Variants in SSH2 observed in about 807,000 individuals in gnomAD.
SSH2 encodes the protein protein phosphatase Slingshot homolog 2.
Under a neutral mutation model 135.2 loss-of-function variants are expected in SSH2, and 37 were observed. The ratio of observed to expected loss-of-function variants is 0.27; its 90% CI spans 0.21 to 0.36. SSH2 has a LOEUF of 0.36. SSH2 is among the 10% of genes least tolerant of loss of function. The pLI, the probability that SSH2 is intolerant of heterozygous loss-of-function variation, is 1.00. For synonymous variants in SSH2, 628 were observed against 646.2 expected, an observed-to-expected ratio of 0.97 and a Z score of 0.43; for missense variants, 1,408 against 1,765.3, an observed-to-expected ratio of 0.80 and a Z score of 3.63.
intron 2 of SSH2, among the ~76,000 whole-genome samples, chr17:29,800,892 G>C (rs1266829487): frequency 6.7e-6 from 1 of 148,640 alleles, no homozygotes; most frequent in Admixed American, 6.7e-5. Flanking sequence ...TTGAGACAGA[G>C]TCTCACTCTG....
chr17:29,650,355 C>G (rs2036538047), intron 13 of SSH2, among the ~76,000 whole-genome samples: 1 of 152,152 alleles, frequency 6.6e-6, no homozygotes, highest in African/African-American at 2.4e-5. Context: ...AACTTAATTT[C>G]ATTCAGAATT....
At chr17:29,859,207 A>G (rs1319308122) in intron 1 of SSH2, among the ~76,000 whole-genome samples, 2 of 151,950 alleles carry the variant, frequency 1.3e-5, no homozygotes, top group Non-Finnish European at 2.9e-5. Flanking sequence ...CCCTTCCTCT[A>G]TCTTCAATAT....
chr17:29,870,344 A>G (rs1474664067), intron 1 of SSH2, among the ~76,000 whole-genome samples: 2 of 151,920 alleles, frequency 1.3e-5, no homozygotes, highest in Non-Finnish European at 2.9e-5. Flanking sequence ...AAAAGAGAAG[A>G]ATGTGTGTGT....
chr17:29,906,301 G>T (rs2151466449), intron 1 of SSH2, among the ~76,000 whole-genome samples: 1 of 152,288 alleles, frequency 6.6e-6, no homozygotes, highest in Non-Finnish European at 1.5e-5. Flanking sequence ...GGAAGAACTG[G>T]CTAGCCATAT....
intron 3 of SSH2, among the ~76,000 whole-genome samples, chr17:29,788,210 T>C (rs1464531965): frequency 6.6e-6 from 1 of 152,190 alleles, no homozygotes; most frequent in Non-Finnish European, 1.5e-5. Flanking sequence ...GGCTTATCTG[T>C]GAGGGTGTTT....
At position 29,927,636 on chromosome 17, in the gene SSH2, T is replaced by C. The variant is rs77768897; in HGVS notation, c.63+2302A>G. Among the ~76,000 whole-genome samples, 693 of 152,246 alleles carry C rather than the reference T, an allele frequency of 4.6e-3. 8 individuals are homozygous for C. Among genetic ancestry groups the C allele is most frequent in the African/African-American group, 0.016 (655 of 41,542 alleles). Reference sequence around the variant, plus strand: ...CAGCAAGAGATAGAACAGCAAAATATATGGAGGTCAGACAGCAGCCAAATG... The same window carrying C: ...CAGCAAGAGATAGAACAGCAAAATACATGGAGGTCAGACAGCAGCCAAATG... On this transcript the variant is annotated intron_variant, in intron 1 of 15. Coordinates refer to ENST00000540801, the MANE Select transcript of SSH2 (RefSeq NM_001282129.2).
chr17:29,827,313 G>C (rs2042763577), intron 2 of SSH2, among the ~76,000 whole-genome samples: 1 of 152,128 alleles, frequency 6.6e-6, no homozygotes, highest in African/African-American at 2.4e-5. Flanking sequence ...CTAGTAAAAG[G>C]CTCAAAGAAG....
At chr17:29,742,821 G>C (rs2040615161) in intron 3 of SSH2, among the ~76,000 whole-genome samples, 1 of 151,802 alleles carries the variant, frequency 6.6e-6, no homozygotes, top group South Asian at 2.1e-4. Context: ...TTTTAGTAGA[G>C]ACGGGGTTTC....
intron 1 of SSH2, among the ~76,000 whole-genome samples, chr17:29,927,552 A>G (rs1025305963): frequency 2.0e-5 from 3 of 152,330 alleles, no homozygotes; most frequent in Middle Eastern, 3.4e-3. Context: ...CTCTTCTTTC[A>G]TGGTCCTCTA....
At chr17:29,852,482 A>G (rs2065580493) in intron 1 of SSH2, among the ~76,000 whole-genome samples, 1 of 151,942 alleles carries the variant, frequency 6.6e-6, no homozygotes, top group East Asian at 1.9e-4. Context: ...GTTCTAAATT[A>G]AATTCTGAGA....
At chr17:29,736,773 C>G (rs1313973245) in intron 3 of SSH2, among the ~76,000 whole-genome samples, 1 of 84,170 alleles carries the variant, frequency 1.2e-5, no homozygotes, top group Non-Finnish European at 2.1e-5. Flanking sequence ...GGTGACAGAG[C>G]AAGACTCTGT....
intron 3 of SSH2, among the ~76,000 whole-genome samples, chr17:29,789,354 G>C (rs531727968): frequency 1.3e-5 from 2 of 152,324 alleles, no homozygotes; most frequent in African/African-American, 4.8e-5. Context: ...GGTAGTGTTG[G>C]TGTGAACCAC....
chr17:29,898,866 T>G (rs2066493655), intron 1 of SSH2, among the ~76,000 whole-genome samples: 1 of 152,172 alleles, frequency 6.6e-6, no homozygotes, highest in African/African-American at 2.4e-5. Context: ...TGAACATTGA[T>G]GCAAAAATCC....
Position 29,761,887 on chromosome 17 carries a change from A to ATT in SSH2, c.188+32005_188+32006dup, listed in dbSNP as rs1157073718. Among the ~76,000 whole-genome samples, 1,418 of 143,626 alleles carry ATT rather than the reference A, an allele frequency of 9.9e-3. 32 individuals are homozygous for ATT. The highest frequency in any genetic ancestry group is 0.034 in the African/African-American group (1,297 of 37,736). The allele number at this position is 143,626 out of a possible 152,430, so 94.2% of individuals were successfully genotyped here. A position where few individuals can be genotyped will look rare whatever the true frequency, so the allele number is the denominator to read the frequency against. ...TGTGTGTGTGTATATATATATATAT[A>ATT]TTTTTTTTTGAGATGGAGTTTCTGC... On this transcript the variant is annotated intron_variant, in intron 3 of 15. Coordinates refer to ENST00000540801, the MANE Select transcript of SSH2 (RefSeq NM_001282129.2).
intron 5 of SSH2, among the ~76,000 whole-genome samples, chr17:29,692,318 TC>T (rs2038520407): frequency 6.6e-6 from 1 of 152,168 alleles, no homozygotes; most frequent in African/African-American, 2.4e-5. Context: ...TGCTAATTTG[TC>T]CAAAGTCATA....
At chr17:29,708,082 A>G (rs951226900) in intron 3 of SSH2, among the ~76,000 whole-genome samples, 5 of 152,244 alleles carry the variant, frequency 3.3e-5, no homozygotes, top group African/African-American at 4.8e-5. Context: ...AACCACCACC[A>G]GAGTTTAGGT....
chr17:29,742,409 C>A (rs1023251943), intron 3 of SSH2, among the ~76,000 whole-genome samples: 21 of 150,146 alleles, frequency 1.4e-4, no homozygotes, highest in Admixed American at 1.3e-3. Context: ...TCCTTGACCT[C>A]CTGGGCTCAA....
chr17:29,761,877 A>G (rs748347104), intron 3 of SSH2, among the ~76,000 whole-genome samples: 3,226 of 56,884 alleles, frequency 0.057, 63 homozygotes, highest in African/African-American at 0.11. Context: ...GTGTGTATAT[A>G]TATATATATA....
intron 3 of SSH2, among the ~76,000 whole-genome samples, chr17:29,787,219 T>A (rs955211407): frequency 1.3e-5 from 2 of 152,234 alleles, no homozygotes; most frequent in Non-Finnish European, 2.9e-5. Flanking sequence ...GTAAGTGGAA[T>A]CATACAGTAT....
Sources: gnomAD v4.1 joint callset for allele counts (sites outside exome capture counted in the v4.1 genomes callset) on GRCh38, gnomAD v4.1.1 for gene constraint, MANE v1.5 for transcripts, NCBI Gene and HGNC (gene_info 2026-07-23, HGNC 2026-07-21) for gene names.